The following PAQR3 variants were observed in gnomAD, a reference collection of about 807,000 sequenced individuals.
PAQR3 encodes Raf kinase trapping to Golgi.
PAQR3 carries 39 observed loss-of-function variants against 41.7 expected under a neutral mutation model. The observed-to-expected ratio is 0.93, with a 90% CI of 0.72 to 1.22. The LOEUF (loss-of-function observed/expected upper bound fraction) is 1.22. Among genes scored for constraint, PAQR3 ranks in the 50% most tolerant of loss-of-function variants. The probability of loss-of-function intolerance (pLI) is 0.00; values close to 1 mark genes in which losing one functional copy is unlikely to be tolerated. For synonymous variants in PAQR3, 140 were observed against 140.6 expected, an observed-to-expected ratio of 1.00 and a Z score of 0.03; for missense variants, 366 against 385.6, an observed-to-expected ratio of 0.95 and a Z score of 0.42.
At chr4:78,938,943 G>T in intron 1 of PAQR3, 97 bp downstream of exon 1, 1 of 1,214,168 alleles carries the variant, frequency 8.2e-7, no homozygotes, top group Non-Finnish European at 1.2e-6. Context: ...AGGAAATGAT[G>T]GGCAAGCAGA....
rs761977780 is a variant in PAQR3, at chr4:78,912,047, A to T, written c.*8492T>A. 5.8e-6 allele frequency: 9 copies of T among 1,564,684 alleles called. No individual in the cohort carries two copies. The East Asian group carries it at 1.6e-4, about 27-fold the overall frequency. On this transcript the variant is annotated 3_prime_UTR_variant, in exon 6 of 6. Coordinates refer to ENST00000512733, the MANE Select transcript of PAQR3 (RefSeq NM_001040202.2). The stretch of plus-strand genomic sequence containing the variant: ...TCTAAACAGTAGATACTTCTGATGG[A>T]TTCTCGGCATTAACTCCTGTTTCAA...
downstream of PAQR3, chr4:78,911,691 A>G: frequency 6.2e-7 from 1 of 1,613,970 alleles, no homozygotes; most frequent in Non-Finnish European, 8.5e-7. Flanking sequence ...TTAGTGTTGC[A>G]CTGACTGATG....
rs934418003 is a variant in PAQR3, at chr4:78,912,258, G to A, written c.*8281C>T. 37 of 471,166 alleles carry A rather than the reference G, an allele frequency of 7.9e-5. No homozygotes were observed. The highest frequency in any genetic ancestry group is 5.9e-4 in the African/African-American group (30 of 50,820). The allele number at this position is 471,166 out of a possible 1,614,324, so 29.2% of individuals were successfully genotyped here. A position where few individuals can be genotyped will look rare whatever the true frequency, so the allele number is the denominator to read the frequency against. On this transcript the variant is annotated 3_prime_UTR_variant, in exon 6 of 6. Coordinates refer to ENST00000512733, the MANE Select transcript of PAQR3 (RefSeq NM_001040202.2). Reference sequence around the variant, plus strand: ...GAGCTAAATTGCAAGCTCTAACTAAGGGTTTCTGCTACTGACATCACAACA... The same window carrying A: ...GAGCTAAATTGCAAGCTCTAACTAAAGGTTTCTGCTACTGACATCACAACA...
chr4:78,922,533 T>C lies in PAQR3; in HGVS notation c.793+1324A>G, dbSNP rs1735760070. On this transcript the variant is annotated intron_variant, in intron 5 of 5. Coordinates refer to ENST00000512733, the MANE Select transcript of PAQR3 (RefSeq NM_001040202.2). ...TCAGTTTTATGTACTCTAAATGTTA[T>C]TTCTGACCCATGCCAAAACTTACCT... The C allele has an allele frequency of 5.1e-6, 5 of 974,772 alleles. No homozygotes were observed. In the South Asian group the frequency reaches 6.8e-5, roughly 13 times the overall value. The allele number at this position is 974,772 out of a possible 1,614,324, so 60.4% of individuals were successfully genotyped here. A position where few individuals can be genotyped will look rare whatever the true frequency, so the allele number is the denominator to read the frequency against.
In PAQR3 at chr4:78,915,683, T is replaced by C. The variant is rs1734989976; in HGVS notation, c.*4856A>G. 1 of 151,954 alleles carries C rather than the reference T, an allele frequency of 6.6e-6. No homozygotes were observed. The highest frequency in any genetic ancestry group is 1.5e-5 in the Non-Finnish European group (1 of 67,902). 9.4% of individuals were successfully genotyped at this position (151,954 alleles called of 1,614,324 possible). A position where few individuals can be genotyped will look rare whatever the true frequency, so the allele number is the denominator to read the frequency against. On this transcript the variant is annotated 3_prime_UTR_variant, in exon 6 of 6. Coordinates refer to ENST00000512733, the MANE Select transcript of PAQR3 (RefSeq NM_001040202.2). ...CTCTACTGTGGAGTTAATGTGAATT[T>C]TTAAAAAATGGAATTGCAACCACAA...
downstream of PAQR3, among the ~76,000 whole-genome samples, chr4:78,908,187 G>A (rs966371781): frequency 6.6e-6 from 1 of 152,156 alleles, no homozygotes; most frequent in East Asian, 1.9e-4. Flanking sequence ...TTGCAATTAA[G>A]TATAACCTGG....
At chr4:78,888,961 C>T (rs1178399559) in intron 11 of PAQR3, among the ~76,000 whole-genome samples, 1 of 152,106 alleles carries the variant, frequency 6.6e-6, no homozygotes, top group African/African-American at 2.4e-5. Flanking sequence ...GTGGCTTGCG[C>T]CTGTAATCCC....
chr4:78,911,305 C>T (rs1435446798), downstream of PAQR3: 5 of 1,613,822 alleles, frequency 3.1e-6, no homozygotes, highest in African/African-American at 6.7e-5. Flanking sequence ...GCCTGAGGCA[C>T]ATACTATCCC....
In PAQR3 at chr4:78,918,114, CA is replaced by C; in HGVS notation, c.*2424del. 1 of 970,578 alleles carries C rather than the reference CA, an allele frequency of 1.0e-6. No individual in the cohort carries two copies. Among genetic ancestry groups the C allele is most frequent in the Non-Finnish European group, 1.2e-6 (1 of 816,276 alleles). 60.1% of individuals were successfully genotyped at this position (970,578 alleles called of 1,614,324 possible). On this transcript the variant is annotated 3_prime_UTR_variant, in exon 6 of 6. Coordinates refer to ENST00000512733, the MANE Select transcript of PAQR3 (RefSeq NM_001040202.2). ...AACCACAACCATATAAATTGCTAGA[CA>C]ATTTAAAACAGCCATAGATAATTTT...
intron 1 of PAQR3, among the ~76,000 whole-genome samples, chr4:78,936,926 G>A (rs900695458): frequency 2.0e-5 from 3 of 151,174 alleles, no homozygotes; most frequent in African/African-American, 7.3e-5. Flanking sequence ...AAGGAGAGAG[G>A]GCAAAGGCTA....
Position 78,919,404 on chromosome 4 carries a change from A to C in PAQR3, c.*1135T>G. 1 of 984,544 alleles carries C rather than the reference A, an allele frequency of 1.0e-6. No homozygotes were observed. The highest frequency in any genetic ancestry group is 1.2e-6 in the Non-Finnish European group (1 of 829,208). 61.0% of individuals were successfully genotyped at this position (984,544 alleles called of 1,614,324 possible). ...GGCTACAATGTATGATAGGGCAGTG[A>C]GTTCTATTTTTTAAGTATATACAAT... On this transcript the variant is annotated 3_prime_UTR_variant, in exon 6 of 6. Transcript: ENST00000512733.
chr4:78,909,875 T>C (rs888380046), downstream of PAQR3, among the ~76,000 whole-genome samples: 1 of 152,228 alleles, frequency 6.6e-6, no homozygotes, highest in African/African-American at 2.4e-5. Flanking sequence ...TATATTTCTT[T>C]CGTTGAATGA....
At chr4:78,890,587 CTG>C (rs1733381524) in intron 11 of PAQR3, among the ~76,000 whole-genome samples, 1 of 152,182 alleles carries the variant, frequency 6.6e-6, no homozygotes, top group Non-Finnish European at 1.5e-5. Context: ...GAGTTAATTA[CTG>C]TGTTTATAAT....
At position 78,911,894 on chromosome 4, in the gene PAQR3, A is replaced by G. The variant is rs1734641276; in HGVS notation, c.*8645T>C. ...CTACATGGGTCATTCCATAGTGCAGATGTATTGAAAATGGATGATTTTGGT... is the reference window on the plus strand; with the variant it reads ...CTACATGGGTCATTCCATAGTGCAGGTGTATTGAAAATGGATGATTTTGGT... On this transcript the variant is annotated 3_prime_UTR_variant, in exon 6 of 6. Coordinates refer to ENST00000512733, the MANE Select transcript of PAQR3 (RefSeq NM_001040202.2). 1.2e-6 allele frequency: 2 copies of G among 1,613,856 alleles called. No individual in the cohort carries two copies. The highest frequency in any genetic ancestry group is 2.2e-5 in the South Asian group (2 of 91,082).
Position 78,917,318 on chromosome 4 carries a change from T to A in PAQR3, c.*3221A>T, listed in dbSNP as rs1421999114. 3.9e-5 allele frequency: 6 copies of A among 152,092 alleles called. No individual in the cohort carries two copies. The highest frequency in any genetic ancestry group is 2.4e-5 in the African/African-American group (1 of 41,552). The allele number at this position is 152,092 out of a possible 1,614,324, so 9.4% of individuals were successfully genotyped here. ...ATTATGTGCAGGTTAGGTAGTATTT[T>A]GATCTCAGATTTTATAGAGCAGGAC... On this transcript the variant is annotated 3_prime_UTR_variant, in exon 6 of 6. Coordinates refer to ENST00000512733, the MANE Select transcript of PAQR3 (RefSeq NM_001040202.2).
Position 78,914,829 on chromosome 4 carries a change from C to G in PAQR3, c.*5710G>C, listed in dbSNP as rs959431435. ...CTAAACCTGTTATACTTGAACATCACTAAGAGAAGTAAATTATTATGAAGC... is the reference window on the plus strand; with the variant it reads ...CTAAACCTGTTATACTTGAACATCAGTAAGAGAAGTAAATTATTATGAAGC... On this transcript the variant is annotated 3_prime_UTR_variant, in exon 6 of 6. Transcript: ENST00000512733. 6.6e-6 allele frequency: 1 copy of G among 151,280 alleles called. No individual in the cohort carries two copies. Among genetic ancestry groups the G allele is most frequent in the African/African-American group, 2.4e-5 (1 of 41,136 alleles). 9.4% of individuals were successfully genotyped at this position (151,280 alleles called of 1,614,324 possible).
chr4:78,923,917 T>C lies in PAQR3; in HGVS notation c.733A>G (p.Met245Val), dbSNP rs140433445. The C allele has an allele frequency of 4.1e-5, 66 of 1,613,218 alleles. No individual in the cohort carries two copies. The highest frequency in any genetic ancestry group is 5.3e-5 in the Non-Finnish European group (62 of 1,179,438). ...AATAGGAAAGCAAGAAGAGCAATCA[T>C]ATACATCACAATTACACGGGGTGCA... The part of the protein sequence containing the change: ...DFAPRVIVMY[M>V]IALLAFLFYI... Residue 245 changes from methionine to valine, a missense_variant, in exon 5 of 6, where the codon ATG becomes GTG. By Grantham distance (21) the Met-to-Val change is conservative (BLOSUM62 1). Transcript: ENST00000512733.
At chr4:78,909,291 C>T (rs905118371), downstream of PAQR3, among the ~76,000 whole-genome samples, 2 of 152,052 alleles carry the variant, frequency 1.3e-5, no homozygotes, top group Admixed American at 6.6e-5. Context: ...CCGCCTTGGC[C>T]TCCCAAAGTG....
chr4:78,923,137 A>C (rs910136035), intron 5 of PAQR3, among the ~76,000 whole-genome samples: 1 of 150,916 alleles, frequency 6.6e-6, no homozygotes, highest in African/African-American at 2.4e-5. Context: ...TTTGATGTAC[A>C]TATTGTGAAG....
Sources: allele counts gnomAD v4.1 joint callset (sites outside exome capture counted in the v4.1 genomes callset), GRCh38; gene constraint gnomAD v4.1.1; transcripts MANE v1.5; gene names NCBI Gene and HGNC (gene_info 2026-07-23, HGNC 2026-07-21).